MYOCD: variants seen among roughly 807,000 people sequenced by gnomAD.
MYOCD encodes myocardin.
Under a neutral mutation model 96.1 loss-of-function variants are expected in MYOCD, and 32 were observed. The observed-to-expected ratio is 0.33, with a 90% CI of 0.25 to 0.45. The LOEUF is 0.45. Ranked by LOEUF, MYOCD falls within the 20% of genes least tolerant of loss-of-function variation. The pLI, the probability that MYOCD is intolerant of heterozygous loss-of-function variation, is 1.00. For missense variants in MYOCD, 1,133 were observed against 1,200.6 expected (o/e 0.94, Z 0.83); for synonymous variants, 469 against 469.0 (o/e 1.00, Z 0.00).
At chr17:12,753,833 A>G (rs1394189593) in intron 10 of MYOCD, among the ~76,000 whole-genome samples, 5 of 152,274 alleles carry the variant, frequency 3.3e-5, no homozygotes, top group African/African-American at 9.6e-5. Context: ...TAAAGGGGAA[A>G]TCATCAGATC....
intron 2 of MYOCD, among the ~76,000 whole-genome samples, chr17:12,711,584 G>A (rs2176665): frequency 0.22 from 33,568 of 152,090 alleles, 5,071 homozygotes; most frequent in African/African-American, 0.42. Context: ...GAGAACAACC[G>A]TAACTAAACC....
At chr17:12,716,985 C>A (rs866459038) in intron 3 of MYOCD, among the ~76,000 whole-genome samples, 3 of 112,948 alleles carry the variant, frequency 2.7e-5, no homozygotes, top group Middle Eastern at 5.2e-3. Context: ...GATGCTGTCT[C>A]AAAAAAAAAA....
intron 3 of MYOCD, 49 bp from the exon 4 acceptor site, chr17:12,717,297 G>GT (rs1190534280): frequency 2.2e-5 from 31 of 1,417,576 alleles, no homozygotes; most frequent in Admixed American, 3.7e-5. Context: ...GATAAATTGA[G>GT]TTTTTTAAAA....
chr17:12,700,661 G>T (rs1031926474), intron 1 of MYOCD, among the ~76,000 whole-genome samples: 1 of 151,530 alleles, frequency 6.6e-6, no homozygotes, highest in African/African-American at 2.4e-5. Flanking sequence ...TGATCCACCC[G>T]TCTGGGCCTC....
intron 5 of MYOCD, among the ~76,000 whole-genome samples, chr17:12,734,549 C>T (rs908942555): frequency 1.9e-4 from 21 of 110,670 alleles, no homozygotes; most frequent in Admixed American, 3.9e-4. Context: ...CTTGTTCTGT[C>T]GCCCGGGCTA....
chr17:12,753,351 GA>G lies in MYOCD; in HGVS notation c.2058+6del. The G allele has an allele frequency of 6.4e-7, 1 of 1,556,300 alleles. No homozygotes were observed. The highest frequency in any genetic ancestry group is 8.7e-7 in the Non-Finnish European group (1 of 1,151,602). ...AGCCAGGTGTGCACTGCACAGGTAA[GA>G]GCACCTTGCGCCATGCCTGGTGCAC... is the stretch of plus-strand genomic sequence containing the variant. On this transcript the variant is annotated splice_donor_region_variant and intron_variant, in intron 10 of 13. Transcript: ENST00000425538.
chr17:12,681,595 A>G (rs1910471928), intron 1 of MYOCD, among the ~76,000 whole-genome samples: 2 of 152,186 alleles, frequency 1.3e-5, no homozygotes, highest in Non-Finnish European at 2.9e-5. Flanking sequence ...TTGACTCGCC[A>G]AATGCCCAGC....
At chr17:12,694,379 C>CTGCAG (rs1349563070) in intron 1 of MYOCD, among the ~76,000 whole-genome samples, 3 of 152,172 alleles carry the variant, frequency 2.0e-5, no homozygotes, top group African/African-American at 7.2e-5. Context: ...ACTGTCCTAT[C>CTGCAG]TGCAGTGGGA....
chr17:12,725,341 A>G (rs2031964711), intron 5 of MYOCD, among the ~76,000 whole-genome samples: 1 of 150,170 alleles, frequency 6.7e-6, no homozygotes, highest in Admixed American at 6.7e-5. Flanking sequence ...TATTAATAAA[A>G]TAAATTACAT....
In MYOCD at chr17:12,763,162, A is replaced by G. The variant is rs1318222562; in HGVS notation, c.2479A>G (p.Thr827Ala). 1 of 1,614,154 alleles carries G rather than the reference A, an allele frequency of 6.2e-7. No individual in the cohort carries two copies. The highest frequency in any genetic ancestry group is 1.1e-5 in the South Asian group (1 of 91,080). The change falls in exon 14 of 14, where the codon ACC becomes GCC. Residue 827 changes from threonine (T) to alanine (A), a missense_variant. Transcript: ENST00000425538. ...RSSRSPTAVL[T>A]KPSASFEQAS... ...TTCCCGAAGTCCAACTGCTGTCCTC[A>G]CCAAGCCCTCGGCTTCCTTTGAACA...
intron 1 of MYOCD, among the ~76,000 whole-genome samples, chr17:12,689,056 T>TA (rs1327423693): frequency 1.3e-5 from 2 of 152,190 alleles, no homozygotes; most frequent in African/African-American, 4.8e-5. Context: ...CTATTCCCGT[T>TA]ATCTTTTCTA....
intron 5 of MYOCD, among the ~76,000 whole-genome samples, chr17:12,735,870 G>C (rs935105794): frequency 2.6e-5 from 4 of 152,058 alleles, no homozygotes; most frequent in African/African-American, 9.7e-5. Flanking sequence ...CCCCAGTTTA[G>C]TTTCAAAAAC....
intron 1 of MYOCD, among the ~76,000 whole-genome samples, chr17:12,697,345 ATATATATATATATATTTTTTT>A (rs2030804740): frequency 1.2e-5 from 1 of 80,634 alleles, no homozygotes; most frequent in Admixed American, 1.5e-4. Flanking sequence ...GTATATATAT[ATATATATATATATATTTTTTT>A]TTTTTTTTTT....
Position 12,763,664 on chromosome 17 carries a change from C to T in MYOCD, c.*20C>T. ...TGGTAGAATGCCCAATGCACCAGTG[C>T]TATGGAAGACCAATGGAGTTCCATG... On this transcript the variant is annotated 3_prime_UTR_variant, in exon 14 of 14. Transcript: ENST00000425538. 3 of 1,582,988 alleles carry T rather than the reference C, an allele frequency of 1.9e-6. No individual in the cohort carries two copies. Among genetic ancestry groups the T allele is most frequent in the South Asian group, 2.3e-5 (2 of 85,548 alleles).
chr17:12,723,202 C>T (rs1382457662), intron 5 of MYOCD, among the ~76,000 whole-genome samples, 194 bp downstream of exon 5: 3 of 152,104 alleles, frequency 2.0e-5, no homozygotes, highest in African/African-American at 7.2e-5. Flanking sequence ...CTTGTACACC[C>T]CAAGGCCAAG....
At chr17:12,702,778 A>C (rs1292024407) in intron 1 of MYOCD, among the ~76,000 whole-genome samples, 1 of 151,982 alleles carries the variant, frequency 6.6e-6, no homozygotes, top group African/African-American at 2.4e-5. Flanking sequence ...ATACCACTAC[A>C]TGTGAAGTAT....
chr17:12,744,020 C>T (rs1312413165), intron 7 of MYOCD, among the ~76,000 whole-genome samples, 163 bp from the exon 8 acceptor site: 2 of 152,146 alleles, frequency 1.3e-5, no homozygotes, highest in South Asian at 2.1e-4. Flanking sequence ...TCATTAGCAA[C>T]GTTAGTGTCC....
intron 1 of MYOCD, among the ~76,000 whole-genome samples, chr17:12,696,879 G>A (rs1055998560): frequency 6.6e-6 from 1 of 152,188 alleles, no homozygotes; most frequent in Non-Finnish European, 1.5e-5. Context: ...TGATACTTGT[G>A]TTTTGGTGAA....
intron 12 of MYOCD, among the ~76,000 whole-genome samples, chr17:12,759,161 C>T (rs1180967227): frequency 6.6e-6 from 1 of 152,136 alleles, no homozygotes; most frequent in African/African-American, 2.4e-5. Flanking sequence ...CAGAGAAGAA[C>T]ATTTACATCA....
Sources: gnomAD v4.1 joint callset for allele counts (sites outside exome capture counted in the v4.1 genomes callset) on GRCh38, gnomAD v4.1.1 for gene constraint, MANE v1.5 for transcripts, NCBI Gene and HGNC (gene_info 2026-07-23, HGNC 2026-07-21) for gene names.